KCNIP4: variants seen among roughly 807,000 people sequenced by gnomAD.
KCNIP4 encodes the protein Kv channel-interacting protein 4.
In KCNIP4, 12 loss-of-function variants were observed where a neutral mutation model predicts 34.0. The observed-to-expected ratio is 0.35, with a 90% CI of 0.23 to 0.57. The LOEUF (loss-of-function observed/expected upper bound fraction) is 0.57, where lower values mean the gene tolerates loss of function less well. KCNIP4 is among the 20% of genes least tolerant of loss of function. The probability of loss-of-function intolerance (pLI) is 0.83; values close to 1 mark genes in which losing one functional copy is unlikely to be tolerated. For synonymous variants in KCNIP4, 124 were observed against 102.2 expected (o/e 1.21, Z -1.29); for missense variants, 238 against 311.7 (o/e 0.76, Z 1.78).
chr4:21,099,935 C>T (rs192090992), intron 1 of KCNIP4, among the ~76,000 whole-genome samples: 1 of 152,148 alleles, frequency 6.6e-6, no homozygotes, highest in East Asian at 1.9e-4. Context: ...GAATATGTGA[C>T]TGAATATGTT....
chr4:21,006,937 G>C (rs1325059209), intron 1 of KCNIP4, among the ~76,000 whole-genome samples: 1 of 152,130 alleles, frequency 6.6e-6, no homozygotes, highest in East Asian at 1.9e-4. Flanking sequence ...AATTCTCTCT[G>C]TTCTTGAGGA....
chr4:20,996,959 G>T (rs1445567691), intron 1 of KCNIP4, among the ~76,000 whole-genome samples: 1 of 152,044 alleles, frequency 6.6e-6, no homozygotes, highest in Non-Finnish European at 1.5e-5. Flanking sequence ...CTTTCCTCAC[G>T]CAGGCATTTG....
chr4:21,254,725 A>C (rs1328881168), intron 1 of KCNIP4, among the ~76,000 whole-genome samples: 1 of 152,136 alleles, frequency 6.6e-6, no homozygotes, highest in Non-Finnish European at 1.5e-5. Context: ...AGAGAAAATT[A>C]AGGCTGAGAA....
intron 1 of KCNIP4, among the ~76,000 whole-genome samples, chr4:21,490,307 G>A (rs16871197): frequency 0.038 from 5,738 of 152,014 alleles, 322 homozygotes; most frequent in African/African-American, 0.12. Flanking sequence ...CTGAATAGAA[G>A]CACTTGAATT....
At position 21,893,882 on chromosome 4, in the gene KCNIP4, G is replaced by C. The variant is rs147608050; in HGVS notation, c.61+54689C>G. Among the ~76,000 whole-genome samples the C allele has an allele frequency of 3.0e-4, 46 of 152,226 alleles. 1 individual carries two copies. Among genetic ancestry groups the C allele is most frequent in the African/African-American group, 1.1e-3 (45 of 41,532 alleles). On this transcript the variant is annotated intron_variant, in intron 1 of 8. Coordinates refer to ENST00000382152, the MANE Select transcript of KCNIP4 (RefSeq NM_025221.6). ...AACTGAATTTTCAGTGCTGCTGTGTGCATATTAAATGTTTCCCTTACTTCC... is the reference window on the plus strand; with the variant it reads ...AACTGAATTTTCAGTGCTGCTGTGTCCATATTAAATGTTTCCCTTACTTCC...
chr4:21,010,128 C>A (rs1738941128), intron 1 of KCNIP4, among the ~76,000 whole-genome samples: 1 of 152,176 alleles, frequency 6.6e-6, no homozygotes, highest in South Asian at 2.1e-4. Flanking sequence ...GTAGGTCACA[C>A]ACTTACTGCT....
chr4:21,673,732 T>C (rs1394513934), intron 1 of KCNIP4, among the ~76,000 whole-genome samples: 2 of 152,172 alleles, frequency 1.3e-5, no homozygotes, highest in Non-Finnish European at 2.9e-5. Context: ...CTAGTGGTGG[T>C]GGGTAATGAA....
chr4:21,504,886 C>G (rs358559), intron 1 of KCNIP4, among the ~76,000 whole-genome samples: 2,437 of 152,268 alleles, frequency 0.016, 68 homozygotes, highest in African/African-American at 0.056. Context: ...ATCAATAGAA[C>G]AGTTTGTTGT....
Position 20,815,001 on chromosome 4 carries a change from C to G in KCNIP4, c.288+35542G>C, listed in dbSNP as rs1449033559. ...AATTTATCTCTCTCTCTCGCCCACA[C>G]TAAATTAAATTCCTTAAATCCACAC... On this transcript the variant is annotated intron_variant, in intron 3 of 8. Coordinates refer to ENST00000382152, the MANE Select transcript of KCNIP4 (RefSeq NM_025221.6). Among the ~76,000 whole-genome samples the G allele has an allele frequency of 3.3e-5, 5 of 152,258 alleles. No homozygotes were observed. The East Asian group carries it at 9.7e-4, about 29-fold the overall frequency.
intron 1 of KCNIP4, among the ~76,000 whole-genome samples, chr4:20,952,621 T>A (rs1356285275): frequency 6.6e-6 from 1 of 152,182 alleles, no homozygotes; most frequent in Non-Finnish European, 1.5e-5. Flanking sequence ...AAGCATAACT[T>A]TTCCCATCAC....
At chr4:21,303,491 A>C (rs1190339591) in intron 1 of KCNIP4, among the ~76,000 whole-genome samples, 1 of 152,236 alleles carries the variant, frequency 6.6e-6, no homozygotes, top group Non-Finnish European at 1.5e-5. Flanking sequence ...AAAATAATCA[A>C]GCATCAGTAT....
At chr4:21,248,945 T>G (rs1760486710) in intron 1 of KCNIP4, among the ~76,000 whole-genome samples, 1 of 152,168 alleles carries the variant, frequency 6.6e-6, no homozygotes, top group Non-Finnish European at 1.5e-5. Flanking sequence ...TATCTCCCCA[T>G]GAGGCCAACC....
intron 1 of KCNIP4, among the ~76,000 whole-genome samples, chr4:21,837,197 C>A (rs1047936636): frequency 6.8e-6 from 1 of 147,586 alleles, no homozygotes; most frequent in African/African-American, 2.5e-5. Flanking sequence ...GAATTACAGG[C>A]GTGAGCCCCG....
chr4:21,601,069 C>T (rs1743096203), intron 1 of KCNIP4, among the ~76,000 whole-genome samples: 1 of 151,236 alleles, frequency 6.6e-6, no homozygotes, highest in African/African-American at 2.4e-5. Context: ...TTATGCTTAC[C>T]ACACATCCCT....
intron 3 of KCNIP4, among the ~76,000 whole-genome samples, chr4:20,828,658 TTC>T (rs1718059487): frequency 6.6e-6 from 1 of 152,224 alleles, no homozygotes; most frequent in African/African-American, 2.4e-5. Flanking sequence ...CGCTCACTCA[TTC>T]TCTGTTATTC....
In KCNIP4 at chr4:21,315,674, T is replaced by C. The variant is rs538700988; in HGVS notation, c.62-432965A>G. On this transcript the variant is annotated intron_variant, in intron 1 of 8. Coordinates refer to ENST00000382152, the MANE Select transcript of KCNIP4 (RefSeq NM_025221.6). ...CATAATTAGTACAAGGTGGGTGTTATGGTTATTTTGCTCCCAAGGTATACC... is the reference window on the plus strand; with the variant it reads ...CATAATTAGTACAAGGTGGGTGTTACGGTTATTTTGCTCCCAAGGTATACC... Among the ~76,000 whole-genome samples, 36 of 152,280 alleles carry C rather than the reference T, an allele frequency of 2.4e-4. No individual in the cohort carries two copies. In the South Asian group the frequency reaches 5.4e-3, roughly 23 times the overall value.
intron 1 of KCNIP4, among the ~76,000 whole-genome samples, chr4:21,334,433 C>T (rs776871853): frequency 7.9e-5 from 12 of 151,884 alleles, no homozygotes; most frequent in Admixed American, 2.0e-4. Context: ...GCAAGGTACC[C>T]GGCAGAGTGA....
At chr4:21,870,296 C>T (rs1347000237) in intron 1 of KCNIP4, among the ~76,000 whole-genome samples, 2 of 152,104 alleles carry the variant, frequency 1.3e-5, no homozygotes, top group Admixed American at 6.6e-5. Context: ...ATGTACCTCC[C>T]CCAATCTCCA....
chr4:21,723,635 A>T lies in KCNIP4; in HGVS notation c.61+224936T>A, dbSNP rs1258065213. Among the ~76,000 whole-genome samples the T allele has an allele frequency of 6.6e-5, 10 of 152,138 alleles. 1 individual carries two copies. The highest frequency in any genetic ancestry group is 6.6e-4 in the Admixed American group (10 of 15,238). On this transcript the variant is annotated intron_variant, in intron 1 of 8. Transcript: ENST00000382152. The stretch of plus-strand genomic sequence containing the variant: ...AAAGTTTGGTGTCACATGGGAGCTC[A>T]GTCATACATGGTTAAGGAATTAATA...
Sources: gnomAD v4.1 joint callset for allele counts (sites outside exome capture counted in the v4.1 genomes callset) on GRCh38, gnomAD v4.1.1 for gene constraint, MANE v1.5 for transcripts, NCBI Gene and HGNC (gene_info 2026-07-23, HGNC 2026-07-21) for gene names.